FNBP4: variants seen among roughly 807,000 people sequenced by gnomAD.
FNBP4 encodes the protein formin-binding protein 4.
A neutral mutation model predicts 119.3 loss-of-function variants in FNBP4; 34 were observed. That is an observed-to-expected ratio of 0.28 (90% confidence interval 0.22 to 0.38). The LOEUF is 0.38. Among genes scored for constraint, FNBP4 ranks in the 10% least tolerant of loss-of-function variants. The pLI is 1.00. For synonymous variants in FNBP4, 462 were observed against 430.6 expected, an observed-to-expected ratio of 1.07 and a Z score of -0.90; for missense variants, 1,112 against 1,228.9, an observed-to-expected ratio of 0.90 and a Z score of 1.42.
intron 16 of FNBP4, among the ~76,000 whole-genome samples, chr11:47,719,526 G>C (rs946353054): frequency 6.6e-6 from 1 of 150,660 alleles, no homozygotes; most frequent in African/African-American, 2.5e-5. Context: ...TGTATAAAAG[G>C]GTCTAATTCT....
At chr11:47,751,382 A>G in intron 4 of FNBP4, 92 bp from the exon 5 acceptor site, 1 of 1,440,390 alleles carries the variant, frequency 6.9e-7, no homozygotes, top group Non-Finnish European at 9.6e-7. Context: ...CAGTTTCTCA[A>G]AACAGCACTG....
intron 12 of FNBP4, chr11:47,729,200 C>A: frequency 3.0e-6 from 3 of 985,288 alleles, no homozygotes; most frequent in Non-Finnish European, 3.6e-6. Context: ...ATTTTCCCCC[C>A]AAAGAGAAAT....
intron 8 of FNBP4, among the ~76,000 whole-genome samples, chr11:47,737,729 T>TG (rs2097576188): frequency 6.6e-6 from 1 of 150,630 alleles, no homozygotes; most frequent in South Asian, 2.1e-4. Flanking sequence ...TGTAAGCCAC[T>TG]GCACCCAGGC....
chr11:47,732,496 A>C lies in FNBP4; in HGVS notation c.1820+41T>G. The C allele has an allele frequency of 1.2e-6, 2 of 1,612,436 alleles. No individual in the cohort carries two copies. Among genetic ancestry groups the C allele is most frequent in the Non-Finnish European group, 1.7e-6 (2 of 1,178,806 alleles). On this transcript the variant is annotated intron_variant, in intron 11 of 16. Coordinates refer to ENST00000263773, the MANE Select transcript of FNBP4 (RefSeq NM_015308.5). The surrounding 1 kb of genome is among the most constrained non-coding windows in gnomAD (Gnocchi z 4.2). Reference sequence around the variant, plus strand: ...GTGGTGATCACAAATCATGTCTGAGATGTCAAAGGTGAAAGGTGAAAAGGG... The same window carrying C: ...GTGGTGATCACAAATCATGTCTGAGCTGTCAAAGGTGAAAGGTGAAAAGGG...
At chr11:47,738,138 T>C (rs980340203) in intron 8 of FNBP4, among the ~76,000 whole-genome samples, 3 of 152,208 alleles carry the variant, frequency 2.0e-5, no homozygotes, top group South Asian at 2.1e-4. Context: ...GTTGGTGCTA[T>C]TGGTAATGGG....
intron 12 of FNBP4, 47 bp from the exon 13 acceptor site, chr11:47,724,825 C>T (rs1207776357): frequency 6.6e-7 from 1 of 1,517,030 alleles, no homozygotes; most frequent in Admixed American, 2.3e-5. Flanking sequence ...AAAAAACTCC[C>T]TGGCTTATAT....
intron 2 of FNBP4, among the ~76,000 whole-genome samples, chr11:47,764,789 A>C (rs890960402): frequency 1.3e-5 from 2 of 152,208 alleles, no homozygotes; most frequent in African/African-American, 4.8e-5. Flanking sequence ...CCAATTAGTA[A>C]TTGCGCCAAA....
At position 47,732,708 on chromosome 11, in the gene FNBP4, T is replaced by C. The variant is rs1042963936; in HGVS notation, c.1687-38A>G. 1 of 1,600,312 alleles carries C rather than the reference T, an allele frequency of 6.2e-7. No individual in the cohort carries two copies. Among genetic ancestry groups the C allele is most frequent in the African/African-American group, 1.3e-5 (1 of 74,790 alleles). The stretch of plus-strand genomic sequence containing the variant: ...GACAAATAAGTTAAAGACTTATTAT[T>C]ACATGTCAGGAGACACAGGCAAAGG... On this transcript the variant is annotated intron_variant, in intron 10 of 16. Coordinates refer to ENST00000263773, the MANE Select transcript of FNBP4 (RefSeq NM_015308.5). This position sits in a 1 kb window ranked among gnomAD's most constrained non-coding sequence, Gnocchi z 4.2.
At chr11:47,734,280 T>G (rs1303399226) in intron 9 of FNBP4, 151 bp from the exon 10 acceptor site, 3 of 467,036 alleles carry the variant, frequency 6.4e-6, no homozygotes, top group Non-Finnish European at 7.5e-6. Flanking sequence ...ATCCAGAATA[T>G]AAAATTCTAA....
At chr11:47,758,592 T>C (rs2097625291) in intron 2 of FNBP4, among the ~76,000 whole-genome samples, 1 of 151,850 alleles carries the variant, frequency 6.6e-6, no homozygotes, top group South Asian at 2.1e-4. Flanking sequence ...TGGACAGGCA[T>C]GGTGGCTCAT....
chr11:47,738,664 AACTTT>A (rs1236314001), intron 8 of FNBP4, among the ~76,000 whole-genome samples: 5 of 152,088 alleles, frequency 3.3e-5, no homozygotes, highest in African/African-American at 1.2e-4. Flanking sequence ...GTAAAAATGT[AACTTT>A]AAATAGCTTT....
rs151142974 is a variant in FNBP4 at position 47,735,150 on chromosome 11, A to G, written c.1582-1021T>C. Reference sequence around the variant, plus strand: ...TTACTTTACCTGGTTTGTGATAATCATATCATAATATATACATATAACAAA... The same window carrying G: ...TTACTTTACCTGGTTTGTGATAATCGTATCATAATATATACATATAACAAA... On this transcript the variant is annotated intron_variant, in intron 9 of 16. Transcript: ENST00000263773. 4.9e-3 allele frequency among the ~76,000 whole-genome samples: 748 copies of G among 151,212 alleles called. 5 individuals are homozygous for G. Among genetic ancestry groups the G allele is most frequent in the African/African-American group, 0.017 (721 of 41,498 alleles).
Position 47,733,955 on chromosome 11 carries a change from C to CTT in FNBP4, c.1686+69_1686+70insAA. 4.4e-6 allele frequency: 3 copies of CTT among 689,586 alleles called. No homozygotes were observed. In the East Asian group the frequency reaches 8.7e-5, roughly 20 times the overall value. 42.7% of individuals were successfully genotyped at this position (689,586 alleles called of 1,614,324 possible). On this transcript the variant is annotated intron_variant, in intron 10 of 16. Transcript: ENST00000263773. ...GCTTAAAATGTAAGCAAGACAGAAT[C>CTT]GTTAACACATACAGCATTTCATTCA... is the stretch of plus-strand genomic sequence containing the variant.
chr11:47,719,286 A>T (rs1467914516), intron 16 of FNBP4, among the ~76,000 whole-genome samples: 1 of 152,218 alleles, frequency 6.6e-6, no homozygotes, highest in Non-Finnish European at 1.5e-5. Flanking sequence ...AATTACTTGA[A>T]GCCAGTTCTC....
chr11:47,762,719 C>A (rs1369417305), intron 2 of FNBP4, among the ~76,000 whole-genome samples: 1 of 151,056 alleles, frequency 6.6e-6, no homozygotes, highest in East Asian at 2.0e-4. Context: ...TCCAGACCAG[C>A]CTGGCCAACA....
At chr11:47,757,501 C>G (rs376286532) in intron 2 of FNBP4, among the ~76,000 whole-genome samples, 1 of 151,100 alleles carries the variant, frequency 6.6e-6, no homozygotes, top group Non-Finnish European at 1.5e-5. Flanking sequence ...CGTGAGCCAC[C>G]GCACCCGGCT....
At chr11:47,736,777 A>G in intron 8 of FNBP4, 37 bp from the exon 9 acceptor site, 1 of 1,553,558 alleles carries the variant, frequency 6.4e-7, no homozygotes, top group Non-Finnish European at 8.8e-7. Context: ...CCAAAGTACC[A>G]ATACTTATAG....
chr11:47,746,856 A>C (rs1333065153), intron 6 of FNBP4, among the ~76,000 whole-genome samples: 3 of 152,108 alleles, frequency 2.0e-5, no homozygotes, highest in Non-Finnish European at 2.9e-5. Context: ...ATACCATTAC[A>C]TTATTACTTT....
chr11:47,744,246 T>C lies in FNBP4; in HGVS notation c.1246-83A>G, dbSNP rs1371222981. 103 of 1,262,704 alleles carry C rather than the reference T, an allele frequency of 8.2e-5. 1 individual carries two copies. The highest frequency in any genetic ancestry group is 5.7e-4 in the Middle Eastern group (3 of 5,308). 78.2% of individuals were successfully genotyped at this position (1,262,704 alleles called of 1,614,324 possible). A position where few individuals can be genotyped will look rare whatever the true frequency, so the allele number is the denominator to read the frequency against. ...CAGAATAATAAACAAGACTATGTTG[T>C]TGAAATTTAAATTCTTTGAGAACAG... On this transcript the variant is annotated intron_variant, in intron 7 of 16. Transcript: ENST00000263773.
Sources: gnomAD v4.1 joint callset for allele counts (sites outside exome capture counted in the v4.1 genomes callset) on GRCh38, gnomAD v4.1.1 for gene constraint, Gnocchi (gnomAD v3.1) non-coding constraint, MANE v1.5 for transcripts, NCBI Gene and HGNC (gene_info 2026-07-23, HGNC 2026-07-21) for gene names.